Variants in PLIN1 observed in about 807,000 individuals in gnomAD.
PLIN1 encodes the protein perilipin 1.
In PLIN1, 37 loss-of-function variants were observed where a neutral mutation model predicts 45.8. The ratio of observed to expected loss-of-function variants is 0.81; its 90% CI spans 0.62 to 1.06. The LOEUF is 1.06. PLIN1 is among the 50% of genes least tolerant of loss of function. The probability of loss-of-function intolerance (pLI) is 0.00; values close to 1 mark genes in which losing one functional copy is unlikely to be tolerated. For missense variants in PLIN1, 776 were observed against 716.5 expected (o/e 1.08, Z -0.95); for synonymous variants, 340 against 309.2 (o/e 1.10, Z -1.05).
rs530916054 is a variant in PLIN1 at position 89,670,310 on chromosome 15, G to A, written c.334-66C>T. 1.3e-4 allele frequency: 200 copies of A among 1,537,170 alleles called. No homozygotes were observed. The African/African-American group carries it at 1.9e-3, about 14-fold the overall frequency. On this transcript the variant is annotated intron_variant, in intron 4 of 8. Coordinates refer to ENST00000300055, the MANE Select transcript of PLIN1 (RefSeq NM_002666.5). The stretch of plus-strand genomic sequence containing the variant: ...AGGCCCTACAAGGGCTGCCCTTCCG[G>A]GGTCTGGTGGCCTGAGCCCAGCTCC...
intron 2 of PLIN1, among the ~76,000 whole-genome samples, chr15:89,676,309 G>A (rs1367668274): frequency 2.0e-5 from 3 of 152,048 alleles, no homozygotes; most frequent in East Asian, 3.9e-4. Flanking sequence ...GTGCAGTGGC[G>A]CGATCTCAGC....
At chr15:89,673,506 C>A in intron 2 of PLIN1, 92 bp from the exon 3 acceptor site, 1 of 1,032,282 alleles carries the variant, frequency 9.7e-7, no homozygotes. Flanking sequence ...AATGGTGCAA[C>A]TAGCCTGAGT....
rs559787316 is a variant in PLIN1 at position 89,676,348 on chromosome 15, T to C, written c.45+1097A>G. On this transcript the variant is annotated intron_variant, in intron 2 of 8. Transcript: ENST00000300055. The stretch of plus-strand genomic sequence containing the variant: ...CTGCAAGCTCTGCCTCCTGGGTTCA[T>C]GCCATTCTCCTGCCTCAGTCTCCCA... Among the ~76,000 whole-genome samples the C allele has an allele frequency of 4.8e-4, 73 of 152,258 alleles. 2 individuals are homozygous for C. Among genetic ancestry groups the C allele is most frequent in the South Asian group, 8.3e-4 (4 of 4,824 alleles).
chr15:89,676,574 G>A (rs1051031369), intron 2 of PLIN1: 6 of 152,154 alleles, frequency 3.9e-5, no homozygotes, highest in Admixed American at 3.3e-4. Flanking sequence ...TCCTGCAGGT[G>A]AATTTGAAAT....
chr15:89,667,847 G>T, intron 6 of PLIN1, 54 bp from the exon 7 acceptor site: 1 of 1,538,868 alleles, frequency 6.5e-7, no homozygotes, highest in Non-Finnish European at 8.7e-7. Context: ...TGAAGGCCAG[G>T]GAGCCCCAGC....
rs1244202225 is a variant in PLIN1 at position 89,664,564 on chromosome 15, T to G, written c.*1019A>C. The G allele has an allele frequency of 4.2e-6, 1 of 238,454 alleles. No individual in the cohort carries two copies. Among genetic ancestry groups the G allele is most frequent in the East Asian group, 1.2e-4 (1 of 8,484 alleles). The allele number at this position is 238,454 out of a possible 1,614,324, so 14.8% of individuals were successfully genotyped here. A position where few individuals can be genotyped will look rare whatever the true frequency, so the allele number is the denominator to read the frequency against. ...ATACAAAAATCTCTCCAAGCTGTAT[T>G]ATTAAGTGAAAAAAGCAGGCATGCG... On this transcript the variant is annotated 3_prime_UTR_variant, in exon 9 of 9. Coordinates refer to ENST00000300055, the MANE Select transcript of PLIN1 (RefSeq NM_002666.5).
At chr15:89,678,528 A>C (rs1279269451) in intron 1 of PLIN1, among the ~76,000 whole-genome samples, 1 of 151,818 alleles carries the variant, frequency 6.6e-6, no homozygotes, top group Non-Finnish European at 1.5e-5. Context: ...AAAGGAGTTC[A>C]GGTTAGGAAA....
At position 89,665,597 on chromosome 15, in the gene PLIN1, G is replaced by A; in HGVS notation, c.1555C>T (p.Arg519Cys). 6.5e-7 allele frequency: 1 copy of A among 1,530,580 alleles called. No homozygotes were observed. Among genetic ancestry groups the A allele is most frequent in the African/African-American group, 1.4e-5 (1 of 72,108 alleles). 94.8% of individuals were successfully genotyped at this position (1,530,580 alleles called of 1,614,324 possible). A position where few individuals can be genotyped will look rare whatever the true frequency, so the allele number is the denominator to read the frequency against. Residue 519 changes from arginine (R) to cysteine (C), a missense_variant, in exon 9 of 9, where the codon CGC becomes TGC. By Grantham distance (180) the Arg-to-Cys change is radical (BLOSUM62 -3). Coordinates refer to ENST00000300055, the MANE Select transcript of PLIN1 (RefSeq NM_002666.5). ...ILGRTHYSQL[R>C]KKS Reference sequence around the variant, plus strand: ...GGTGCGGCGACTCAGCTCTTCTTGCGCAGCTGGCTGTAATGCGTGCGGCCC... The same window carrying A: ...GGTGCGGCGACTCAGCTCTTCTTGCACAGCTGGCTGTAATGCGTGCGGCCC...
chr15:89,667,583 C>T lies in PLIN1; in HGVS notation c.963+19G>A. 1 of 1,612,760 alleles carries T rather than the reference C, an allele frequency of 6.2e-7. No individual in the cohort carries two copies. The highest frequency in any genetic ancestry group is 1.1e-5 in the South Asian group (1 of 91,064). The stretch of plus-strand genomic sequence containing the variant: ...TTCTGTGGGCTGGGGGACCTTGAGG[C>T]TCCCACTCTCCCCCTCACCTCACTG... On this transcript the variant is annotated intron_variant, in intron 7 of 8. Coordinates refer to ENST00000300055, the MANE Select transcript of PLIN1 (RefSeq NM_002666.5).
chr15:89,666,951 CACT>C lies in PLIN1; in HGVS notation c.1191_1193del (p.Val399del), dbSNP rs1567075663. ...TGGTACTCACCGGCACGTAATGCAC[CACT>C]GTGTCCACCACGTTGTCAGTAACGC... On this transcript the variant is annotated inframe_deletion, in exon 8 of 9. Coordinates refer to ENST00000300055, the MANE Select transcript of PLIN1 (RefSeq NM_002666.5). 1.9e-6 allele frequency: 3 copies of C among 1,614,036 alleles called. No individual in the cohort carries two copies. Among genetic ancestry groups the C allele is most frequent in the Non-Finnish European group, 2.5e-6 (3 of 1,179,954 alleles).
Position 89,665,908 on chromosome 15 carries a change from T to C in PLIN1, c.1244A>G (p.Glu415Gly). The stretch of plus-strand genomic sequence containing the variant: ...TGGTGGGTTGTCGATGTCCCGGAAT[T>C]CGCTCTCGGGCTCCATCAGCGACAG... ...PRLSLMEPES[E>G]FRDIDNPPAE... The change falls in exon 9 of 9, where the codon GAA (glutamate) becomes GGA (glycine). Residue 415 changes from glutamate (E) to glycine (G), a missense_variant. Coordinates refer to ENST00000300055, the MANE Select transcript of PLIN1 (RefSeq NM_002666.5). 6.5e-7 allele frequency: 1 copy of C among 1,535,778 alleles called. No homozygotes were observed.
intron 6 of PLIN1, 29 bp downstream of exon 6, chr15:89,669,471 G>A (rs1158676202): frequency 6.3e-7 from 1 of 1,598,910 alleles, no homozygotes; most frequent in Admixed American, 1.7e-5. Context: ...CAGGCACCGG[G>A]TCAGTCAGAG....
intron 1 of PLIN1, chr15:89,677,795 G>C: frequency 2.7e-6 from 1 of 368,498 alleles, no homozygotes; most frequent in South Asian, 3.7e-5. Flanking sequence ...CTGTTGCCCA[G>C]GCTGGAGTGT....
In PLIN1 at chr15:89,669,985, TCTTC is replaced by T; in HGVS notation, c.589_592del (p.Glu197SerfsTer22). The T allele has an allele frequency of 6.2e-7, 1 of 1,611,140 alleles. No individual in the cohort carries two copies. Among genetic ancestry groups the T allele is most frequent in the Non-Finnish European group, 8.5e-7 (1 of 1,179,374 alleles). On this transcript the variant is annotated frameshift_variant, in exon 5 of 9. Coordinates refer to ENST00000300055, the MANE Select transcript of PLIN1 (RefSeq NM_002666.5). LOFTEE classifies it high-confidence loss of function. ...AGCCTCCGAATGGCAGGTACCTGAC[TCTTC>T]CTTGTCTGGAGGGAGGAGGTACTCC...
Position 89,679,021 on chromosome 15 carries a change from C to CT in PLIN1, c.-15+229dup, listed in dbSNP as rs572099918. Among the ~76,000 whole-genome samples, 13 of 151,986 alleles carry CT rather than the reference C, an allele frequency of 8.6e-5. No homozygotes were observed. In the South Asian group the frequency reaches 2.1e-3, roughly 24 times the overall value. ...CCACAATGCAGGGCTAATTTTTTCT[C>CT]TTTTTTTATAGAGACAGGATCCCAC... On this transcript the variant is annotated intron_variant, in intron 1 of 8. Transcript: ENST00000300055.
chr15:89,672,270 G>A (rs1329730260), intron 3 of PLIN1, among the ~76,000 whole-genome samples: 1 of 152,274 alleles, frequency 6.6e-6, no homozygotes, highest in Non-Finnish European at 1.5e-5. Context: ...ATCCCGCCTG[G>A]ATTGGCCGGG....
In PLIN1 at chr15:89,679,052, T is replaced by G. The variant is rs1221373597; in HGVS notation, c.-15+199A>C. On this transcript the variant is annotated intron_variant, in intron 1 of 8. Coordinates refer to ENST00000300055, the MANE Select transcript of PLIN1 (RefSeq NM_002666.5). ...TTATAGAGACAGGATCCCACTGTGT[T>G]GCCCAGGTTGTTCTTGAACTCCTGG... is the stretch of plus-strand genomic sequence containing the variant. Among the ~76,000 whole-genome samples, 6 of 152,232 alleles carry G rather than the reference T, an allele frequency of 3.9e-5. No homozygotes were observed. In the East Asian group the frequency reaches 1.2e-3, roughly 29 times the overall value.
At chr15:89,669,436 G>C in intron 6 of PLIN1, 64 bp downstream of exon 6, 3 of 1,318,102 alleles carry the variant, frequency 2.3e-6, no homozygotes, top group South Asian at 1.2e-5. Context: ...GGGGATGGGA[G>C]GGACTAGGAG....
intron 2 of PLIN1, among the ~76,000 whole-genome samples, chr15:89,675,762 C>G (rs1202912485): frequency 6.6e-6 from 1 of 152,104 alleles, no homozygotes; most frequent in Admixed American, 6.6e-5. Flanking sequence ...TCAGCACTGT[C>G]ACCAACACTG....
Sources: gnomAD v4.1 joint callset for allele counts (sites outside exome capture counted in the v4.1 genomes callset) on GRCh38, gnomAD v4.1.1 for gene constraint, MANE v1.5 for transcripts, NCBI Gene and HGNC (gene_info 2026-07-23, HGNC 2026-07-21) for gene names.